TRAPPC12: variants seen among roughly 807,000 people sequenced by gnomAD.
TRAPPC12 encodes TPR repeat protein 15.
In TRAPPC12, 61 loss-of-function variants were observed where a neutral mutation model predicts 69.2. The ratio of observed to expected loss-of-function variants is 0.88; its 90% CI spans 0.72 to 1.09. TRAPPC12 has a LOEUF of 1.09. Ranked by LOEUF, TRAPPC12 falls within the 50% of genes least tolerant of loss-of-function variation. The probability of loss-of-function intolerance (pLI) is 0.00; values close to 1 mark genes in which losing one functional copy is unlikely to be tolerated. For synonymous variants in TRAPPC12, 469 were observed against 438.9 expected (o/e 1.07, Z -0.86); for missense variants, 1,101 against 1,016.4 (o/e 1.08, Z -1.13).
At chr2:3,394,303 C>T (rs1195476901) in intron 2 of TRAPPC12, among the ~76,000 whole-genome samples, 1 of 152,136 alleles carries the variant, frequency 6.6e-6, no homozygotes, top group Non-Finnish European at 1.5e-5. Context: ...ACCATGTGCT[C>T]AGGCAAAACC....
At chr2:3,401,281 A>G (rs1384489164) in intron 2 of TRAPPC12, among the ~76,000 whole-genome samples, 1 of 152,140 alleles carries the variant, frequency 6.6e-6, no homozygotes, top group Non-Finnish European at 1.5e-5. Flanking sequence ...GCTTTCCTGG[A>G]GGTCCAGGCA....
Position 3,479,352 on chromosome 2 carries a change from T to C in TRAPPC12, c.2099T>C (p.Met700Thr), listed in dbSNP as rs766942805. 2 of 1,614,156 alleles carry C rather than the reference T, an allele frequency of 1.2e-6. No homozygotes were observed. The highest frequency in any genetic ancestry group is 1.7e-6 in the Non-Finnish European group (2 of 1,180,034). ...HESVLFNLTT[M>T]YELESSRSMQ... is the part of the protein sequence containing the mutation. ...AGCGTGCTCTTCAACCTGACCACCA[T>C]GTACGAGCTGGAGTCCTCACGGAGC... The change falls in exon 12 of 12, where the codon ATG becomes ACG. Residue 700 changes from methionine to threonine, a missense_variant. Transcript: ENST00000324266.
At chr2:3,465,758 C>G in intron 9 of TRAPPC12, 63 bp downstream of exon 9, 1 of 1,073,566 alleles carries the variant, frequency 9.3e-7, no homozygotes, top group South Asian at 1.3e-5. Context: ...CTCAGATGGG[C>G]GACTGTTTGC....
At chr2:3,460,697 G>A (rs1558401604) in intron 8 of TRAPPC12, 2 of 218,076 alleles carry the variant, frequency 9.2e-6, no homozygotes, top group Non-Finnish European at 9.1e-6. Context: ...TCACCTCATG[G>A]TTTTGATTTT....
rs1163347013 is a variant in TRAPPC12 at position 3,379,748 on chromosome 2, C to G, written c.-133C>G. ...GAACTAGGCGCGCCGCGGCCCGGCA[C>G]GCGCAGGCGTACAGAGCTCCCCGGG... On this transcript the variant is annotated 5_prime_UTR_variant, in exon 1 of 12. Coordinates refer to ENST00000324266, the MANE Select transcript of TRAPPC12 (RefSeq NM_016030.6). 1 of 151,798 alleles carries G rather than the reference C, an allele frequency of 6.6e-6. No individual in the cohort carries two copies. Among genetic ancestry groups the G allele is most frequent in the Admixed American group, 6.6e-5 (1 of 15,252 alleles). 9.4% of individuals were successfully genotyped at this position (151,798 alleles called of 1,614,324 possible).
At chr2:3,393,506 CAT>C (rs927933351) in intron 2 of TRAPPC12, among the ~76,000 whole-genome samples, 1 of 151,642 alleles carries the variant, frequency 6.6e-6, no homozygotes. Context: ...CACCCTCACA[CAT>C]ATACACACAC....
intron 1 of TRAPPC12, among the ~76,000 whole-genome samples, chr2:3,386,408 T>C (rs1418156724): frequency 6.6e-6 from 1 of 152,240 alleles, no homozygotes; most frequent in Admixed American, 6.5e-5. Flanking sequence ...CTGGTCCTGG[T>C]TTCCCCACTC....
chr2:3,381,558 T>C (rs1660211525), intron 1 of TRAPPC12, among the ~76,000 whole-genome samples: 1 of 152,226 alleles, frequency 6.6e-6, no homozygotes, highest in Non-Finnish European at 1.5e-5. Context: ...ATCCTATTTA[T>C]AGTTTAATAA....
At chr2:3,470,008 G>A (rs1665991667) in intron 9 of TRAPPC12, among the ~76,000 whole-genome samples, 1 of 152,208 alleles carries the variant, frequency 6.6e-6, no homozygotes, top group African/African-American at 2.4e-5. Context: ...GTTATCTCCA[G>A]ACCAGGGAGG....
At chr2:3,411,445 C>A (rs1240688388) in intron 3 of TRAPPC12, among the ~76,000 whole-genome samples, 1 of 152,114 alleles carries the variant, frequency 6.6e-6, no homozygotes, top group African/African-American at 2.4e-5. Flanking sequence ...GTTCCTGTAT[C>A]TAAAAGAGAA....
At chr2:3,408,940 C>T (rs1174003396) in intron 3 of TRAPPC12, among the ~76,000 whole-genome samples, 1 of 152,208 alleles carries the variant, frequency 6.6e-6, no homozygotes, top group South Asian at 2.1e-4. Context: ...ACACACGCTC[C>T]TTTCCTGCCC....
chr2:3,443,536 C>G (rs1664336706), intron 5 of TRAPPC12, among the ~76,000 whole-genome samples: 1 of 152,202 alleles, frequency 6.6e-6, no homozygotes, highest in African/African-American at 2.4e-5. Flanking sequence ...TGCAGTGTAG[C>G]TTTGGAAATT....
intron 5 of TRAPPC12, among the ~76,000 whole-genome samples, chr2:3,425,984 G>A (rs989073038): frequency 2.0e-5 from 3 of 152,138 alleles, no homozygotes; most frequent in Non-Finnish European, 2.9e-5. Flanking sequence ...GCATAGGAAC[G>A]AATGTAGACG....
At chr2:3,392,864 A>G (rs149128863) in intron 2 of TRAPPC12, among the ~76,000 whole-genome samples, 1 of 152,366 alleles carries the variant, frequency 6.6e-6, no homozygotes, top group East Asian at 1.9e-4. Context: ...TCGGGATCTC[A>G]GAGAGATGCC....
At chr2:3,394,625 TAA>T (rs77663033) in intron 2 of TRAPPC12, among the ~76,000 whole-genome samples, 11 of 141,248 alleles carry the variant, frequency 7.8e-5, no homozygotes, top group Admixed American at 7.1e-5. Context: ...TGTCTGAGGT[TAA>T]AAAAAAAAAG....
At chr2:3,455,303 C>G (rs541280148) in intron 6 of TRAPPC12, 3 of 152,302 alleles carry the variant, frequency 2.0e-5, no homozygotes, top group African/African-American at 7.2e-5. Context: ...GCAGGCAATG[C>G]GTAATAATCC....
chr2:3,433,437 A>T (rs1481827211), intron 5 of TRAPPC12, among the ~76,000 whole-genome samples: 1 of 152,164 alleles, frequency 6.6e-6, no homozygotes, highest in Non-Finnish European at 1.5e-5. Flanking sequence ...GCATCATGTC[A>T]CACCTGCTGC....
At chr2:3,382,130 CTTTTTTTTTTTTT>C (rs70938942) in intron 1 of TRAPPC12, among the ~76,000 whole-genome samples, 1 of 93,594 alleles carries the variant, frequency 1.1e-5, no homozygotes, top group African/African-American at 4.3e-5. Context: ...TTTATTTCCA[CTTTTTTTTTTTTT>C]TTTTTTTTTT....
chr2:3,460,569 T>G, intron 8 of TRAPPC12: 1 of 470,026 alleles, frequency 2.1e-6, no homozygotes. Flanking sequence ...ATTTCATTAT[T>G]GAAATGTGGG....
Sources: allele counts gnomAD v4.1 joint callset (sites outside exome capture counted in the v4.1 genomes callset), GRCh38; gene constraint gnomAD v4.1.1; transcripts MANE v1.5; gene names NCBI Gene and HGNC (gene_info 2026-07-23, HGNC 2026-07-21).